The following DKK2 variants were observed in gnomAD, a reference collection of about 807,000 sequenced individuals.
DKK2 encodes the protein dickkopf-related protein 2.
In DKK2, 11 loss-of-function variants were observed where a neutral mutation model predicts 28.1. That is an observed-to-expected ratio of 0.39 (90% CI 0.25 to 0.65). The LOEUF is 0.65. Among genes scored for constraint, DKK2 ranks in the 30% least tolerant of loss-of-function variants. The pLI is 0.47. For missense variants in DKK2, 326 were observed against 335.5 expected, an observed-to-expected ratio of 0.97 and a Z score of 0.22; for synonymous variants, 135 against 126.5, an observed-to-expected ratio of 1.07 and a Z score of -0.45.
At chr4:106,968,654 G>A (rs968205884) in intron 1 of DKK2, among the ~76,000 whole-genome samples, 2 of 152,054 alleles carry the variant, frequency 1.3e-5, no homozygotes, top group African/African-American at 4.8e-5. Flanking sequence ...CTAACAGATA[G>A]TGGGAATTTT....
intron 1 of DKK2, among the ~76,000 whole-genome samples, chr4:106,951,310 C>T (rs1275106355): frequency 6.6e-6 from 1 of 152,016 alleles, no homozygotes; most frequent in Non-Finnish European, 1.5e-5. Context: ...AACTACCATG[C>T]AATCCAGCAA....
At chr4:106,932,481 T>A (rs1336579792) in intron 1 of DKK2, among the ~76,000 whole-genome samples, 1 of 152,198 alleles carries the variant, frequency 6.6e-6, no homozygotes, top group Non-Finnish European at 1.5e-5. Context: ...AATACTGATA[T>A]TGATCATGGG....
At chr4:107,033,730 A>C (rs1308381950) in intron 1 of DKK2, among the ~76,000 whole-genome samples, 1 of 152,140 alleles carries the variant, frequency 6.6e-6, no homozygotes, top group African/African-American at 2.4e-5. Flanking sequence ...TGGGAACATG[A>C]AATTTGAAGT....
chr4:107,033,534 G>C (rs1328580193), intron 1 of DKK2, among the ~76,000 whole-genome samples: 1 of 152,096 alleles, frequency 6.6e-6, no homozygotes. Flanking sequence ...CTAATGAAAC[G>C]ACGCATGTAA....
At chr4:107,013,733 A>C (rs1447319046) in intron 1 of DKK2, among the ~76,000 whole-genome samples, 1 of 151,508 alleles carries the variant, frequency 6.6e-6, no homozygotes, top group African/African-American at 2.4e-5. Context: ...AAAAAGAAAC[A>C]ATGGGGAGAG....
At chr4:106,995,507 T>C (rs892278528) in intron 1 of DKK2, among the ~76,000 whole-genome samples, 17 of 152,202 alleles carry the variant, frequency 1.1e-4, no homozygotes, top group African/African-American at 4.1e-4. Context: ...TTTTAAAAAC[T>C]AAACTCACTA....
intron 1 of DKK2, among the ~76,000 whole-genome samples, chr4:106,943,146 T>C (rs948040059): frequency 2.6e-5 from 4 of 152,256 alleles, no homozygotes; most frequent in African/African-American, 9.6e-5. Context: ...TTAAGCAACC[T>C]TCCAAGCTGG....
chr4:107,004,947 G>A (rs545864124), intron 1 of DKK2, among the ~76,000 whole-genome samples: 14 of 152,248 alleles, frequency 9.2e-5, no homozygotes, highest in African/African-American at 3.4e-4. Flanking sequence ...GAAGCTTCTA[G>A]AAACTGGAAA....
At chr4:106,941,662 CTA>C (rs1300462157) in intron 1 of DKK2, among the ~76,000 whole-genome samples, 3 of 152,064 alleles carry the variant, frequency 2.0e-5, no homozygotes, top group Admixed American at 1.3e-4. Context: ...TCAGGACAAA[CTA>C]TGTTTGAGAG....
chr4:106,924,392 T>C, intron 3 of DKK2, 153 bp downstream of exon 3: 3 of 1,256,014 alleles, frequency 2.4e-6, no homozygotes, highest in Non-Finnish European at 2.2e-6. Flanking sequence ...ATGGTCTGTT[T>C]CCATTATTTG....
chr4:106,991,880 AC>A (rs1012218523), intron 1 of DKK2, among the ~76,000 whole-genome samples: 2 of 152,186 alleles, frequency 1.3e-5, no homozygotes, highest in Non-Finnish European at 2.9e-5. Flanking sequence ...AACTCCAGTG[AC>A]AGTTGATTCC....
chr4:107,012,594 T>C (rs1723532366), intron 1 of DKK2, among the ~76,000 whole-genome samples: 1 of 151,226 alleles, frequency 6.6e-6, no homozygotes, highest in Non-Finnish European at 1.5e-5. Flanking sequence ...AGTTCATATA[T>C]CAAGTTAATA....
intron 1 of DKK2, among the ~76,000 whole-genome samples, chr4:106,982,990 GAGAAA>G (rs1398601697): frequency 9.5e-5 from 13 of 136,322 alleles, no homozygotes; most frequent in African/African-American, 2.7e-4. Flanking sequence ...AAGAAAGAAA[GAGAAA>G]AGAAAAGAAA....
intron 1 of DKK2, among the ~76,000 whole-genome samples, chr4:106,945,886 C>T (rs1244928030): frequency 6.6e-6 from 1 of 152,084 alleles, no homozygotes. Flanking sequence ...AGTTCAGTAA[C>T]TCTACACATA....
At position 106,938,073 on chromosome 4, in the gene DKK2, G is replaced by A. The variant is rs1170335077; in HGVS notation, c.223-12124C>T. ...AATTAAAAGAACTAGAAAAGCAAGA[G>A]CAAACACATTCAAAAGCTAGCAGAA... On this transcript the variant is annotated intron_variant, in intron 1 of 3. Transcript: ENST00000285311. Among the ~76,000 whole-genome samples the A allele has an allele frequency of 2.4e-4, 35 of 142,906 alleles. 1 individual carries two copies. The East Asian group carries it at 6.7e-3, about 28-fold the overall frequency. 93.8% of individuals were successfully genotyped at this position (142,906 alleles called of 152,430 possible).
At chr4:106,931,264 G>T (rs1724499469) in intron 1 of DKK2, among the ~76,000 whole-genome samples, 2 of 152,038 alleles carry the variant, frequency 1.3e-5, no homozygotes, top group South Asian at 4.1e-4. Flanking sequence ...ATGATGTCCT[G>T]CATGTGTAGT....
At chr4:106,931,284 A>G (rs17037125) in intron 1 of DKK2, among the ~76,000 whole-genome samples, 9,411 of 152,188 alleles carry the variant, frequency 0.062, 317 homozygotes, top group Non-Finnish European at 0.074. Context: ...TTACAGGTTC[A>G]TTAAGGCAGC....
intron 1 of DKK2, among the ~76,000 whole-genome samples, chr4:107,031,086 A>G (rs1416565125): frequency 6.6e-6 from 1 of 152,038 alleles, no homozygotes; most frequent in Non-Finnish European, 1.5e-5. Context: ...CTATTCAAGA[A>G]CTAACTTTCC....
chr4:106,926,239 A>G (rs1192136320), intron 1 of DKK2, among the ~76,000 whole-genome samples: 1 of 152,100 alleles, frequency 6.6e-6, no homozygotes, highest in African/African-American at 2.4e-5. Flanking sequence ...TAGGACCCTT[A>G]TGTGTGACTT....
Sources: gnomAD v4.1 joint callset for allele counts (sites outside exome capture counted in the v4.1 genomes callset) on GRCh38, gnomAD v4.1.1 for gene constraint, MANE v1.5 for transcripts, NCBI Gene and HGNC (gene_info 2026-07-23, HGNC 2026-07-21) for gene names.